Variants in RET observed in about 807,000 individuals in gnomAD.
RET encodes proto-oncogene tyrosine-protein kinase receptor Ret.
RET carries 19 observed loss-of-function variants against 118.3 expected under a neutral mutation model. The observed-to-expected ratio is 0.16, with a 90% CI of 0.11 to 0.24. The LOEUF is 0.24. Ranked by LOEUF, RET falls within the 10% of genes least tolerant of loss-of-function variation. The probability of loss-of-function intolerance (pLI) is 1.00; values close to 1 mark genes in which losing one functional copy is unlikely to be tolerated. For missense variants in RET, 1,219 were observed against 1,502.1 expected, an observed-to-expected ratio of 0.81 and a Z score of 3.12; for synonymous variants, 597 against 644.1, an observed-to-expected ratio of 0.93 and a Z score of 1.11.
intron 1 of RET, among the ~76,000 whole-genome samples, chr10:43,084,721 C>G (rs1342433570): frequency 6.6e-6 from 1 of 152,172 alleles, no homozygotes; most frequent in African/African-American, 2.4e-5. Flanking sequence ...CCACTGCCCT[C>G]GAGGACCTTG....
chr10:43,088,390 ATGGTGG>A (rs1193635226), intron 1 of RET, among the ~76,000 whole-genome samples: 1 of 133,488 alleles, frequency 7.5e-6, no homozygotes, highest in East Asian at 2.6e-4. Context: ...GGTGATGGTG[ATGGTGG>A]TGGTGGAAGT....
intron 10 of RET, among the ~76,000 whole-genome samples, chr10:43,113,917 C>T (rs1006411714): frequency 4.6e-5 from 7 of 152,210 alleles, no homozygotes; most frequent in Non-Finnish European, 1.0e-4. Flanking sequence ...CACCAAACAA[C>T]TTGTCAGCCT....
intron 1 of RET, among the ~76,000 whole-genome samples, chr10:43,091,608 G>C (rs554391966): frequency 6.7e-6 from 1 of 149,264 alleles, no homozygotes; most frequent in Admixed American, 6.7e-5. Flanking sequence ...TCCAGCCTGG[G>C]TGACAGAGTG....
In RET at chr10:43,109,033, C is replaced by T. The variant is rs876660102; in HGVS notation, c.1066C>T (p.Leu356=). 6.2e-7 allele frequency: 1 copy of T among 1,612,528 alleles called. No homozygotes were observed. The highest frequency in any genetic ancestry group is 8.5e-7 in the Non-Finnish European group (1 of 1,180,000). The change falls in exon 6 of 20, where the codon CTG becomes TTG. Residue 356 remains leucine, a splice_region_variant and synonymous_variant. Coordinates refer to ENST00000355710, the MANE Select transcript of RET (RefSeq NM_020975.6). ...FVRATVHDYR[L]VLNRNLSISE... Reference sequence around the variant, plus strand: ...CATTGTTGTGCCCCTACCTGCAGGGCTGGTTCTCAACCGGAACCTCTCCAT... The same window carrying T: ...CATTGTTGTGCCCCTACCTGCAGGGTTGGTTCTCAACCGGAACCTCTCCAT...
intron 1 of RET, among the ~76,000 whole-genome samples, chr10:43,086,801 C>T (rs769207961): frequency 3.3e-5 from 5 of 152,262 alleles, no homozygotes; most frequent in African/African-American, 9.6e-5. Context: ...CTGGCCAGGC[C>T]GCTGCAGCTG....
intron 19 of RET, among the ~76,000 whole-genome samples, chr10:43,127,901 C>T (rs924278035): frequency 2.0e-5 from 3 of 152,182 alleles, no homozygotes; most frequent in African/African-American, 7.2e-5. Flanking sequence ...TTGGTAGTGT[C>T]TGTTAAGTTA....
At position 43,128,205 on chromosome 10, in the gene RET, G is replaced by C; in HGVS notation, c.3281G>C (p.Ser1094Thr). 1 of 1,614,226 alleles carries C rather than the reference G, an allele frequency of 6.2e-7. No homozygotes were observed. The highest frequency in any genetic ancestry group is 8.5e-7 in the Non-Finnish European group (1 of 1,180,036). ...GGGTTTCCAAGATATCCAAATGATAGTGTATATGCTAACTGGATGCTTTCA... is the reference window on the plus strand; with the variant it reads ...GGGTTTCCAAGATATCCAAATGATACTGTATATGCTAACTGGATGCTTTCA... ...NTGFPRYPNDSVYANWMLSPS... is the reference protein window; with the variant it reads ...NTGFPRYPNDTVYANWMLSPS... Residue 1094 changes from serine to threonine, a missense_variant, in exon 20 of 20, where the codon AGT (serine) becomes ACT (threonine). This residue lies in a region of RET where 174 missense variants were observed against 179.3 expected (regional missense o/e 0.97). Transcript: ENST00000355710.
chr10:43,116,821 A>G (rs1838083690), intron 12 of RET, 90 bp downstream of exon 12: 15 of 1,506,608 alleles, frequency 1.0e-5, no homozygotes, highest in Non-Finnish European at 1.4e-5. Context: ...GGGACCCTGA[A>G]GAGCCCCCAA....
At chr10:43,102,243 C>G in intron 2 of RET, 99 bp from the exon 3 acceptor site, 1 of 1,490,498 alleles carries the variant, frequency 6.7e-7, no homozygotes, top group South Asian at 1.1e-5. Context: ...TTGGTGGGGA[C>G]CAGGGTTTAC....
intron 1 of RET, among the ~76,000 whole-genome samples, chr10:43,098,713 C>T (rs1837574082): frequency 1.3e-5 from 2 of 152,166 alleles, no homozygotes; most frequent in African/African-American, 2.4e-5. Context: ...TGAGCCACTG[C>T]GCCCGGCCAG....
Position 43,109,137 on chromosome 10 carries a change from G to C in RET, c.1170G>C (p.Leu390Phe). 1.2e-6 allele frequency: 2 copies of C among 1,613,868 alleles called. No homozygotes were observed. The highest frequency in any genetic ancestry group is 2.2e-5 in the South Asian group (2 of 91,084). ...DFQGPGAGVL[L>F]LHFNVSVLPV... ...AGGGCCCAGGAGCGGGCGTCCTCTT[G>C]CTCCACTTCAACGTGTCGGTGCTGC... Residue 390 changes from leucine to phenylalanine, a missense_variant, in exon 6 of 20, where the codon TTG becomes TTC. This residue lies in a region of RET where 850 missense variants were observed against 969.6 expected (regional missense o/e 0.88). Transcript: ENST00000355710.
At chr10:43,109,326 GCA>G in intron 6 of RET, 96 bp downstream of exon 6, 4 of 1,228,038 alleles carry the variant, frequency 3.3e-6, no homozygotes, top group South Asian at 1.3e-5. Context: ...GGCCCAACCA[GCA>G]CAGAGTAGAC....
chr10:43,128,510 A>G lies in RET; in HGVS notation c.*241A>G. The G allele has an allele frequency of 1.7e-6, 1 of 582,112 alleles. No homozygotes were observed. Among genetic ancestry groups the G allele is most frequent in the Non-Finnish European group, 3.1e-6 (1 of 324,042 alleles). 36.1% of individuals were successfully genotyped at this position (582,112 alleles called of 1,614,324 possible). The stretch of plus-strand genomic sequence containing the variant: ...GAGCTCTGAGTCTTAGTGGTTAAGC[A>G]TTCCTTTCTCTTCAGTGCCCAGCAG... On this transcript the variant is annotated 3_prime_UTR_variant, in exon 20 of 20. Transcript: ENST00000355710.
Position 43,129,924 on chromosome 10 carries a change from T to A in RET, c.*1655T>A. On this transcript the variant is annotated 3_prime_UTR_variant, in exon 20 of 20. Transcript: ENST00000355710. ...ATGGTAAACTTTTGGTTTTCAGATA[T>A]GCTTAATGATAGTCTTACTAAATGC... The A allele has an allele frequency of 2.5e-6, 1 of 399,046 alleles. No individual in the cohort carries two copies. The highest frequency in any genetic ancestry group is 4.4e-6 in the Non-Finnish European group (1 of 226,060). 24.7% of individuals were successfully genotyped at this position (399,046 alleles called of 1,614,324 possible).
chr10:43,123,959 G>A, intron 17 of RET, 151 bp downstream of exon 17: 1 of 1,231,564 alleles, frequency 8.1e-7, no homozygotes, highest in Middle Eastern at 2.5e-4. Flanking sequence ...CCATCCTTGG[G>A]TGTGGCAGTA....
intron 2 of RET, 115 bp downstream of exon 2, chr10:43,100,837 T>G (rs1588862873): frequency 1.7e-6 from 2 of 1,195,102 alleles, no homozygotes; most frequent in Non-Finnish European, 1.2e-6. Flanking sequence ...ACCGCTGGTG[T>G]GGAAGGCGTC....
At chr10:43,109,974 T>G (rs1468266619) in intron 6 of RET, among the ~76,000 whole-genome samples, 1 of 152,208 alleles carries the variant, frequency 6.6e-6, no homozygotes, top group East Asian at 1.9e-4. Flanking sequence ...CCGTGGCGCC[T>G]CCTCTTCAGG....
intron 2 of RET, 29 bp from the exon 3 acceptor site, chr10:43,102,313 G>A: frequency 6.2e-7 from 1 of 1,612,116 alleles, no homozygotes; most frequent in East Asian, 2.2e-5. Flanking sequence ...TGTGGCCGAT[G>A]CCCCCACAGA....
rs2132941687 is a variant in RET at position 43,119,516 on chromosome 10, T to A, written c.2393-15T>A. 1 of 1,584,598 alleles carries A rather than the reference T, an allele frequency of 6.3e-7. No individual in the cohort carries two copies. Among genetic ancestry groups the A allele is most frequent in the Non-Finnish European group, 8.6e-7 (1 of 1,169,344 alleles). Reference sequence around the variant, plus strand: ...CCTGACCCGCACGCCCAGGGCCCCCTCTCTCCGCCCCCAGGCCCGCTCCTC... The same window carrying A: ...CCTGACCCGCACGCCCAGGGCCCCCACTCTCCGCCCCCAGGCCCGCTCCTC... On this transcript the variant is annotated splice_polypyrimidine_tract_variant and intron_variant, in intron 13 of 19. Coordinates refer to ENST00000355710, the MANE Select transcript of RET (RefSeq NM_020975.6).
Sources: allele counts gnomAD v4.1 joint callset (sites outside exome capture counted in the v4.1 genomes callset), GRCh38; gene constraint gnomAD v4.1.1; regional missense constraint gnomAD v4.1.1; transcripts MANE v1.5; gene names NCBI Gene and HGNC (gene_info 2026-07-23, HGNC 2026-07-21).